The following CEP128 variants were observed in gnomAD, a reference collection of about 807,000 sequenced individuals.
CEP128 encodes centrosomal protein 128kDa.
In CEP128, 132 loss-of-function variants were observed where a neutral mutation model predicts 156.7. The ratio of observed to expected loss-of-function variants is 0.84; its 90% CI spans 0.73 to 0.97. The LOEUF (loss-of-function observed/expected upper bound fraction) is 0.97, where lower values mean the gene tolerates loss of function less well. Ranked by LOEUF, CEP128 falls within the 50% of genes least tolerant of loss-of-function variation. The pLI, the probability that CEP128 is intolerant of heterozygous loss-of-function variation, is 0.00. For synonymous variants in CEP128, 469 were observed against 448.9 expected (o/e 1.04, Z -0.57); for missense variants, 1,252 against 1,281.9 (o/e 0.98, Z 0.36).
At chr14:80,542,596 G>GGAGT (rs1889813350) in intron 21 of CEP128, among the ~76,000 whole-genome samples, 1 of 152,154 alleles carries the variant, frequency 6.6e-6, no homozygotes, top group Non-Finnish European at 1.5e-5. Flanking sequence ...ACATGGCATA[G>GGAGT]GAGTGAGTGC....
At chr14:80,645,580 G>A (rs960608314) in intron 19 of CEP128, among the ~76,000 whole-genome samples, 2 of 152,176 alleles carry the variant, frequency 1.3e-5, no homozygotes, top group African/African-American at 4.8e-5. Context: ...AAAAGCTGGT[G>A]AGGATGTGGA....
intron 16 of CEP128, among the ~76,000 whole-genome samples, chr14:80,765,165 T>C (rs778116558): frequency 2.0e-5 from 3 of 152,230 alleles, no homozygotes; most frequent in Non-Finnish European, 4.4e-5. Context: ...CCTACTCTCA[T>C]AGAGTCAACA....
rs200804375 is a variant in CEP128 at position 80,856,466 on chromosome 14, G to A, written c.762+6291C>T. Among the ~76,000 whole-genome samples, 11 of 152,082 alleles carry A rather than the reference G, an allele frequency of 7.2e-5. No individual in the cohort carries two copies. In the East Asian group the frequency reaches 1.5e-3, roughly 21 times the overall value. ...CTGAGACCACTCTGGGCAACATGGC[G>A]AAACCTGTCTTTACAAAAAATACAA... On this transcript the variant is annotated intron_variant, in intron 9 of 24. Transcript: ENST00000555265.
At chr14:80,522,011 T>C (rs912676078) in intron 23 of CEP128, among the ~76,000 whole-genome samples, 1 of 152,146 alleles carries the variant, frequency 6.6e-6, no homozygotes, top group African/African-American at 2.4e-5. Flanking sequence ...AAGCATGGAG[T>C]AGTTATTATA....
intron 20 of CEP128, among the ~76,000 whole-genome samples, chr14:80,569,796 G>A (rs1891061721): frequency 6.6e-6 from 1 of 152,026 alleles, no homozygotes. Context: ...TCAAAGCAAG[G>A]ATAATATTGC....
At chr14:80,549,292 T>C (rs1373452138) in intron 21 of CEP128, among the ~76,000 whole-genome samples, 1 of 152,200 alleles carries the variant, frequency 6.6e-6, no homozygotes, top group Admixed American at 6.5e-5. Flanking sequence ...GCAAAACCTT[T>C]TTCCGGTTTC....
chr14:80,673,919 C>T (rs933216958), intron 19 of CEP128, among the ~76,000 whole-genome samples: 2 of 151,778 alleles, frequency 1.3e-5, no homozygotes, highest in African/African-American at 2.4e-5. Context: ...AATCATTGGT[C>T]CTTTATAGGA....
At chr14:80,571,383 G>C (rs1199235204) in intron 20 of CEP128, among the ~76,000 whole-genome samples, 1 of 152,006 alleles carries the variant, frequency 6.6e-6, no homozygotes, top group African/African-American at 2.4e-5. Flanking sequence ...TTTACTTTAT[G>C]GGCAAATACA....
intron 19 of CEP128, among the ~76,000 whole-genome samples, chr14:80,631,344 CT>C (rs1404263589): frequency 2.0e-5 from 3 of 151,808 alleles, no homozygotes; most frequent in Admixed American, 6.6e-5. Context: ...ATAGGAATAG[CT>C]TTTAGAATGA....
intron 9 of CEP128, among the ~76,000 whole-genome samples, chr14:80,845,804 T>C (rs916459149): frequency 1.3e-5 from 2 of 152,220 alleles, no homozygotes; most frequent in Non-Finnish European, 2.9e-5. Flanking sequence ...AATATTACTA[T>C]GCACTCAGTA....
chr14:80,680,553 C>T (rs1156527764), intron 19 of CEP128, among the ~76,000 whole-genome samples: 1 of 152,132 alleles, frequency 6.6e-6, no homozygotes, highest in Non-Finnish European at 1.5e-5. Context: ...AATATCCAGG[C>T]ATTTCGAGCA....
chr14:80,919,691 T>G (rs972993574), intron 2 of CEP128, among the ~76,000 whole-genome samples: 5 of 152,136 alleles, frequency 3.3e-5, no homozygotes, highest in Non-Finnish European at 7.4e-5. Context: ...AAAATCTTAC[T>G]GGTATTAAAA....
chr14:80,800,102 C>T (rs1445351760), intron 13 of CEP128, among the ~76,000 whole-genome samples: 1 of 152,182 alleles, frequency 6.6e-6, no homozygotes, highest in East Asian at 1.9e-4. Context: ...TAGTTTGAGG[C>T]TCAGGTGGGC....
At chr14:80,693,336 A>G (rs1595229843) in intron 19 of CEP128, among the ~76,000 whole-genome samples, 1 of 152,192 alleles carries the variant, frequency 6.6e-6, no homozygotes, top group African/African-American at 2.4e-5. Context: ...AACGACATCT[A>G]CATGTTATTT....
intron 19 of CEP128, among the ~76,000 whole-genome samples, chr14:80,724,687 C>G (rs1438164221): frequency 6.6e-6 from 1 of 151,958 alleles, no homozygotes; most frequent in African/African-American, 2.4e-5. Flanking sequence ...GGACTTGCTA[C>G]TGATTTCTAT....
At chr14:80,914,474 G>C in intron 3 of CEP128, 66 bp from the exon 4 acceptor site, 1 of 1,184,186 alleles carries the variant, frequency 8.4e-7, no homozygotes, top group Non-Finnish European at 1.3e-6. Flanking sequence ...AATCTTAGTA[G>C]TATGTCAATC....
downstream of CEP128, among the ~76,000 whole-genome samples, chr14:80,495,861 G>C (rs1887475864): frequency 6.6e-6 from 1 of 152,138 alleles, no homozygotes; most frequent in Non-Finnish European, 1.5e-5. Flanking sequence ...GGACGAAGGA[G>C]ATAAAATACT....
At chr14:80,847,714 T>C (rs961330620) in intron 9 of CEP128, among the ~76,000 whole-genome samples, 2 of 152,124 alleles carry the variant, frequency 1.3e-5, no homozygotes, top group Admixed American at 6.5e-5. Flanking sequence ...GGTAATTATT[T>C]CCCCTCTGAG....
At chr14:80,619,387 C>CACACAG (rs1566815053) in intron 19 of CEP128, among the ~76,000 whole-genome samples, 2 of 151,366 alleles carry the variant, frequency 1.3e-5, no homozygotes, top group African/African-American at 4.9e-5. Flanking sequence ...CACACACACA[C>CACACAG]ACACACACAC....
Sources: allele counts gnomAD v4.1 joint callset (sites outside exome capture counted in the v4.1 genomes callset), GRCh38; gene constraint gnomAD v4.1.1; transcripts MANE v1.5; gene names NCBI Gene and HGNC (gene_info 2026-07-23, HGNC 2026-07-21).